The following CWF19L2 variants were observed in gnomAD, a reference collection of about 807,000 sequenced individuals.
CWF19L2 encodes the protein CWF19-like protein 2.
Under a neutral mutation model 111.7 loss-of-function variants are expected in CWF19L2, and 98 were observed. The observed-to-expected ratio is 0.88, with a 90% confidence interval of 0.75 to 1.04. The LOEUF is 1.04. CWF19L2 is among the 50% of genes least tolerant of loss of function. The probability of loss-of-function intolerance (pLI) is 0.00; values close to 1 mark genes in which losing one functional copy is unlikely to be tolerated. For synonymous variants in CWF19L2, 351 were observed against 342.9 expected (o/e 1.02, Z -0.26); for missense variants, 1,101 against 1,051.4 (o/e 1.05, Z -0.65).
intron 3 of CWF19L2, among the ~76,000 whole-genome samples, chr11:107,451,046 A>C (rs1861771036): frequency 6.6e-6 from 1 of 152,170 alleles, no homozygotes; most frequent in South Asian, 2.1e-4. Context: ...CAGAATACAT[A>C]CTCATTTCAA....
chr11:107,388,145 ACT>A (rs1255361766), intron 12 of CWF19L2, among the ~76,000 whole-genome samples: 1 of 151,848 alleles, frequency 6.6e-6, no homozygotes, highest in African/African-American at 2.4e-5. Context: ...CCTCAGCAAC[ACT>A]CTGTTGAAAA....
chr11:107,428,929 G>T lies in CWF19L2; in HGVS notation c.1303C>A (p.Pro435Thr). Residue 435 changes from proline (P) to threonine (T), a missense_variant, in exon 8 of 18, where the codon CCA (proline) becomes ACA (threonine). Physicochemically the swap from Pro to Thr is conservative, Grantham distance 38. Transcript: ENST00000282251. The part of the protein sequence containing the change: ...RGDKKHSNQK[P>T]SETSTDEHQH... The stretch of plus-strand genomic sequence containing the variant: ...TGTTCATCAGTACTGGTTTCCGATG[G>T]CTTTTGATTTGAATGTTTCTTGTCT... 2.5e-6 allele frequency: 4 copies of T among 1,613,510 alleles called. No individual in the cohort carries two copies. The South Asian group carries it at 4.4e-5, about 18-fold the overall frequency.
In CWF19L2 at chr11:107,405,801, GAAGT is replaced by G. The variant is rs141990717; in HGVS notation, c.1617+10404_1617+10407del. On this transcript the variant is annotated intron_variant, in intron 10 of 17. Transcript: ENST00000282251. ...TGGGATATATTTTAACAAGATGTTG[GAAGT>G]AAGAGAAAAACTAGCAAAGAATATG... Among the ~76,000 whole-genome samples the G allele has an allele frequency of 3.2e-3, 447 of 138,054 alleles. 1 individual carries two copies. Among genetic ancestry groups the G allele is most frequent in the African/African-American group, 0.012 (431 of 36,124 alleles). The allele number at this position is 138,054 out of a possible 152,430, so 90.6% of individuals were successfully genotyped here.
intron 12 of CWF19L2, among the ~76,000 whole-genome samples, chr11:107,357,346 G>A (rs978675458): frequency 5.9e-5 from 9 of 152,268 alleles, no homozygotes; most frequent in East Asian, 3.9e-4. Context: ...CAGTGGGAAC[G>A]CAGATATCTA....
intron 2 of CWF19L2, among the ~76,000 whole-genome samples, chr11:107,454,996 A>G (rs1861833722): frequency 6.6e-6 from 1 of 152,296 alleles, no homozygotes; most frequent in African/African-American, 2.4e-5. Context: ...CACAAATTAA[A>G]ATTATAGGAA....
At chr11:107,448,343 C>CAAAAAAAAAAAA (rs61259014) in intron 3 of CWF19L2, among the ~76,000 whole-genome samples, 1 of 54,900 alleles carries the variant, frequency 1.8e-5, no homozygotes, top group Non-Finnish European at 3.1e-5. Context: ...GACTCCGTCA[C>CAAAAAAAAAAAA]AAAAAAAAAA....
chr11:107,360,801 AT>A (rs1860317270), intron 12 of CWF19L2, among the ~76,000 whole-genome samples: 1 of 152,280 alleles, frequency 6.6e-6, no homozygotes, highest in East Asian at 1.9e-4. Context: ...AAAGATATCT[AT>A]TCATATCCTT....
At chr11:107,404,927 G>C (rs1672138928) in intron 10 of CWF19L2, among the ~76,000 whole-genome samples, 1 of 152,164 alleles carries the variant, frequency 6.6e-6, no homozygotes, top group East Asian at 1.9e-4. Context: ...AACCAAGACA[G>C]AAATATTGAG....
At position 107,416,220 on chromosome 11, in the gene CWF19L2, A is replaced by AT; in HGVS notation, c.1605dup (p.Ser536IlefsTer6). On this transcript the variant is annotated frameshift_variant, in exon 10 of 18. Coordinates refer to ENST00000282251, the MANE Select transcript of CWF19L2 (RefSeq NM_152434.3). LOFTEE classifies it high-confidence loss of function. ...CTTTTATTACTTACCTCTACCCCAG[A>AT]TTTTTTTGGTATCTGTGTTATAGTT... 9 of 1,416,286 alleles carry AT rather than the reference A, an allele frequency of 6.4e-6. No homozygotes were observed. Among genetic ancestry groups the AT allele is most frequent in the East Asian group, 2.8e-5 (1 of 35,206 alleles). 87.7% of individuals were successfully genotyped at this position (1,416,286 alleles called of 1,614,324 possible).
At position 107,454,450 on chromosome 11, in the gene CWF19L2, T is replaced by C; in HGVS notation, c.339A>G (p.Ser113=). Residue 113 remains serine, a splice_region_variant and synonymous_variant, in exon 3 of 18, where the codon TCA becomes TCG. Coordinates refer to ENST00000282251, the MANE Select transcript of CWF19L2 (RefSeq NM_152434.3). ...EKNNESSDSS[S]SSEDEWVEAV... ...TTGATTAATTTTAGTACATACTTAC[T>C]GATGAGCTATCAGATGACTCATTGT... The C allele has an allele frequency of 7.0e-7, 1 of 1,421,446 alleles. No individual in the cohort carries two copies. The highest frequency in any genetic ancestry group is 9.2e-7 in the Non-Finnish European group (1 of 1,089,150). The allele number at this position is 1,421,446 out of a possible 1,614,324, so 88.1% of individuals were successfully genotyped here.
chr11:107,421,062 T>A (rs945083659), intron 8 of CWF19L2, among the ~76,000 whole-genome samples: 1 of 152,162 alleles, frequency 6.6e-6, no homozygotes. Flanking sequence ...AACAGTCTCA[T>A]AAATTTAAAG....
At chr11:107,422,158 A>C (rs1431228877) in intron 8 of CWF19L2, among the ~76,000 whole-genome samples, 1 of 152,080 alleles carries the variant, frequency 6.6e-6, no homozygotes, top group African/African-American at 2.4e-5. Flanking sequence ...TAGAAGATGC[A>C]AACTACGGTT....
At chr11:107,353,500 C>T (rs749894980) in intron 13 of CWF19L2, 24 bp downstream of exon 13, 1 of 1,577,220 alleles carries the variant, frequency 6.3e-7, no homozygotes, top group Non-Finnish European at 8.7e-7. Context: ...AGAATGTAAG[C>T]AAAGGATAAT....
chr11:107,359,714 G>A (rs990666859), intron 12 of CWF19L2, among the ~76,000 whole-genome samples: 10 of 151,832 alleles, frequency 6.6e-5, no homozygotes, highest in Non-Finnish European at 1.5e-4. Context: ...GAACCCAGGA[G>A]TTCAAGACCA....
At chr11:107,391,242 T>C (rs964540942) in intron 11 of CWF19L2, among the ~76,000 whole-genome samples, 2 of 152,172 alleles carry the variant, frequency 1.3e-5, no homozygotes, top group African/African-American at 4.8e-5. Flanking sequence ...TATACATCTA[T>C]CCTCTTAATT....
intron 4 of CWF19L2, among the ~76,000 whole-genome samples, chr11:107,442,724 G>GAGAA (rs1392272206): frequency 3.6e-4 from 43 of 119,094 alleles, no homozygotes; most frequent in African/African-American, 1.3e-3. Context: ...GAGAGAGAAA[G>GAGAA]AGAAAGAAAG....
chr11:107,424,060 T>C (rs999129570), intron 8 of CWF19L2, among the ~76,000 whole-genome samples: 1 of 151,830 alleles, frequency 6.6e-6, no homozygotes, highest in South Asian at 2.1e-4. Context: ...TCTCCATATA[T>C]AGATCAAGGG....
At chr11:107,379,338 G>C (rs1400801988) in intron 12 of CWF19L2, among the ~76,000 whole-genome samples, 2 of 152,192 alleles carry the variant, frequency 1.3e-5, no homozygotes, top group African/African-American at 4.8e-5. Flanking sequence ...AGGGTGAGAG[G>C]GGTTGCTATT....
At chr11:107,379,730 C>A (rs1860652965) in intron 12 of CWF19L2, among the ~76,000 whole-genome samples, 1 of 152,040 alleles carries the variant, frequency 6.6e-6, no homozygotes, top group African/African-American at 2.4e-5. Flanking sequence ...TAAAGAAAAA[C>A]CTGAAATACT....
Sources: gnomAD v4.1 joint callset for allele counts (sites outside exome capture counted in the v4.1 genomes callset) on GRCh38, gnomAD v4.1.1 for gene constraint, MANE v1.5 for transcripts, NCBI Gene and HGNC (gene_info 2026-07-23, HGNC 2026-07-21) for gene names.